Variants in DCC observed in about 807,000 individuals in gnomAD.
DCC encodes netrin receptor DCC.
Under a neutral mutation model 172.5 loss-of-function variants are expected in DCC, and 58 were observed. The ratio of observed to expected loss-of-function variants is 0.34; its 90% CI spans 0.27 to 0.42. DCC has a LOEUF of 0.42. Ranked by LOEUF, DCC falls within the 10% of genes least tolerant of loss-of-function variation. The probability of loss-of-function intolerance (pLI) is 1.00; values close to 1 mark genes in which losing one functional copy is unlikely to be tolerated. For missense variants in DCC, 1,740 were observed against 1,791.0 expected (o/e 0.97, Z 0.51); for synonymous variants, 709 against 644.5 (o/e 1.10, Z -1.52).
intron 7 of DCC, among the ~76,000 whole-genome samples, chr18:53,125,603 A>T (rs2043544496): frequency 6.6e-6 from 1 of 152,098 alleles, no homozygotes; most frequent in Admixed American, 6.6e-5. Flanking sequence ...GCGATTTTCC[A>T]GGCCAAAGTA....
intron 1 of DCC, among the ~76,000 whole-genome samples, chr18:52,484,788 G>C (rs2030129838): frequency 6.8e-6 from 1 of 147,166 alleles, no homozygotes; most frequent in South Asian, 2.2e-4. Flanking sequence ...ATCTCTCCCA[G>C]AACTTATAGT....
intron 5 of DCC, among the ~76,000 whole-genome samples, chr18:53,015,265 T>C (rs7237297): frequency 0.15 from 22,663 of 152,214 alleles, 1,949 homozygotes; most frequent in African/African-American, 0.25. Context: ...GAAACCTTTC[T>C]GATCTGACCA....
intron 2 of DCC, among the ~76,000 whole-genome samples, chr18:52,779,760 A>G (rs887551597): frequency 1.3e-5 from 2 of 152,092 alleles, no homozygotes; most frequent in African/African-American, 4.8e-5. Context: ...ACTAATTTAC[A>G]CTCCCACCAA....
chr18:53,335,749 T>C (rs887873292), intron 14 of DCC, among the ~76,000 whole-genome samples: 1 of 152,216 alleles, frequency 6.6e-6, no homozygotes. Context: ...GATAAAGACA[T>C]ACCCGAGACA....
chr18:53,499,628 G>A, intron 27 of DCC, 118 bp downstream of exon 27: 1 of 858,030 alleles, frequency 1.2e-6, no homozygotes, highest in Non-Finnish European at 2.0e-6. Flanking sequence ...CTGATTACAT[G>A]CCCAGTGTGC....
At chr18:52,601,396 C>T (rs533313657) in intron 1 of DCC, among the ~76,000 whole-genome samples, 2 of 151,806 alleles carry the variant, frequency 1.3e-5, no homozygotes, top group Non-Finnish European at 1.5e-5. Context: ...TTCTTGCTTA[C>T]CTGCCTTTGT....
intron 12 of DCC, among the ~76,000 whole-genome samples, chr18:53,216,576 TG>T (rs1480414173): frequency 1.3e-5 from 2 of 152,186 alleles, no homozygotes; most frequent in Non-Finnish European, 2.9e-5. Context: ...GTAAAATGTA[TG>T]CGATGAATCT....
chr18:52,534,331 G>A (rs972977665), intron 1 of DCC, among the ~76,000 whole-genome samples: 1 of 152,044 alleles, frequency 6.6e-6, no homozygotes, highest in Non-Finnish European at 1.5e-5. Context: ...TAATAAATTT[G>A]TTAAGAATAC....
intron 2 of DCC, among the ~76,000 whole-genome samples, chr18:52,815,317 T>C (rs2038272835): frequency 6.6e-6 from 1 of 151,898 alleles, no homozygotes; most frequent in Non-Finnish European, 1.5e-5. Flanking sequence ...TTACATGAGG[T>C]CATAAGAGTG....
chr18:53,351,317 AC>A (rs1352752319), intron 15 of DCC, among the ~76,000 whole-genome samples: 3,930 of 23,244 alleles, frequency 0.17, 355 homozygotes, highest in Non-Finnish European at 0.27. Flanking sequence ...ATATATATAC[AC>A]TGTATATATA....
intron 15 of DCC, among the ~76,000 whole-genome samples, chr18:53,372,544 C>T (rs927645092): frequency 2.0e-5 from 3 of 151,738 alleles, no homozygotes; most frequent in Admixed American, 2.0e-4. Context: ...ATCTGTACAC[C>T]AAACCCCCGT....
At chr18:52,969,584 A>ACCCTCTCT (rs2040991196) in intron 5 of DCC, among the ~76,000 whole-genome samples, 1 of 119,440 alleles carries the variant, frequency 8.4e-6, no homozygotes, top group Admixed American at 8.8e-5. Flanking sequence ...CCCGCCCCCC[A>ACCCTCTCT]CTCTCTCTCT....
chr18:52,606,448 C>T (rs1482582434), intron 1 of DCC, among the ~76,000 whole-genome samples: 2 of 152,036 alleles, frequency 1.3e-5, no homozygotes, highest in Non-Finnish European at 2.9e-5. Context: ...CTGTTTAGTA[C>T]TCTATGGAAA....
At chr18:53,395,105 G>A (rs1303905234) in intron 17 of DCC, among the ~76,000 whole-genome samples, 2 of 150,194 alleles carry the variant, frequency 1.3e-5, no homozygotes, top group Non-Finnish European at 3.0e-5. Context: ...AGCCAAGATC[G>A]TGCCATTGCA....
intron 1 of DCC, among the ~76,000 whole-genome samples, chr18:52,630,648 A>T (rs2034657652): frequency 6.8e-6 from 1 of 146,848 alleles, no homozygotes; most frequent in East Asian, 2.0e-4. Context: ...TGACGGTGAG[A>T]TTTTTTTTTT....
At position 53,530,724 on chromosome 18, in the gene DCC, C is replaced by T; in HGVS notation, c.*71C>T. The T allele has an allele frequency of 1.2e-6, 1 of 838,506 alleles. No individual in the cohort carries two copies. Among genetic ancestry groups the T allele is most frequent in the Non-Finnish European group, 2.1e-6 (1 of 472,536 alleles). 51.9% of individuals were successfully genotyped at this position (838,506 alleles called of 1,614,324 possible). On this transcript the variant is annotated 3_prime_UTR_variant, in exon 29 of 29. Transcript: ENST00000442544. Reference sequence around the variant, plus strand: ...GCATACCAATTACCCATAAACAGCACACCTGTGTCCAAGAACTCTAACCAG... The same window carrying T: ...GCATACCAATTACCCATAAACAGCATACCTGTGTCCAAGAACTCTAACCAG...
intron 5 of DCC, among the ~76,000 whole-genome samples, chr18:52,965,937 G>A (rs1425941639): frequency 6.6e-6 from 1 of 151,976 alleles, no homozygotes; most frequent in East Asian, 1.9e-4. Flanking sequence ...TAATATGAGA[G>A]CCAGGAAACA....
chr18:52,811,199 G>A (rs2038191318), intron 2 of DCC, among the ~76,000 whole-genome samples: 1 of 152,084 alleles, frequency 6.6e-6, no homozygotes. Flanking sequence ...ATGCAAACTG[G>A]CAAATTGTCA....
At chr18:53,281,383 A>AACACAC (rs951386565) in intron 12 of DCC, among the ~76,000 whole-genome samples, 16 of 152,278 alleles carry the variant, frequency 1.1e-4, no homozygotes, top group Middle Eastern at 3.4e-3. Context: ...ATATAAGGTC[A>AACACAC]ACACACACAC....
Sources: allele counts gnomAD v4.1 joint callset (sites outside exome capture counted in the v4.1 genomes callset), GRCh38; gene constraint gnomAD v4.1.1; transcripts MANE v1.5; gene names NCBI Gene and HGNC (gene_info 2026-07-23, HGNC 2026-07-21).